The following MKI67 variants were observed in gnomAD, a reference collection of about 807,000 sequenced individuals.
MKI67 encodes proliferation marker protein Ki-67.
Under a neutral mutation model 233.5 loss-of-function variants are expected in MKI67, and 152 were observed. The observed-to-expected ratio is 0.65, with a 90% CI of 0.57 to 0.74. MKI67 has a LOEUF of 0.74. MKI67 is among the 30% of genes least tolerant of loss of function. The pLI is 0.00. For missense variants in MKI67, 3,940 were observed against 3,885.2 expected (o/e 1.01, Z -0.37); for synonymous variants, 1,465 against 1,418.5 (o/e 1.03, Z -0.74).
chr10:128,100,333 T>C (rs1852310677), intron 14 of MKI67, among the ~76,000 whole-genome samples: 1 of 152,140 alleles, frequency 6.6e-6, no homozygotes. Flanking sequence ...TGCCTGGCTA[T>C]GCAGCAGGTA....
In MKI67 at chr10:128,104,619, T is replaced by C. The variant is rs768881520; in HGVS notation, c.7221A>G (p.Pro2407=). 1.2e-5 allele frequency: 19 copies of C among 1,613,964 alleles called. No homozygotes were observed. In the South Asian group the frequency reaches 2.0e-4, roughly 17 times the overall value. ...TTCCTAGCAGGTCCAGTTTCTGCAC[T>C]GGAGTTTCCACAAATGTGTTGATAT... ...EKNINTFVET[P]VQKLDLLGNL... The change falls in exon 13 of 15, where the codon CCA becomes CCG. Residue 2407 remains proline, a synonymous_variant. Transcript: ENST00000368654.
In MKI67 at chr10:128,107,239, G is replaced by A; in HGVS notation, c.4601C>T (p.Ala1534Val). 6.2e-7 allele frequency: 1 copy of A among 1,614,198 alleles called. No individual in the cohort carries two copies. ...FFALRKRTPS[A>V]GKAMHTPKPA... The stretch of plus-strand genomic sequence containing the variant: ...TTTGGGTGTGTGCATGGCTTTGCCT[G>A]CTGATGGTGTTCGTTTCCTGAGTGC... Residue 1534 changes from alanine to valine, a missense_variant, in exon 13 of 15, where the codon GCA becomes GTA. By Grantham distance (64) the Ala-to-Val change is moderately conservative (BLOSUM62 0). Coordinates refer to ENST00000368654, the MANE Select transcript of MKI67 (RefSeq NM_002417.5).
Position 128,107,050 on chromosome 10 carries a change from G to A in MKI67, c.4790C>T (p.Thr1597Ile). The change falls in exon 13 of 15, where the codon ACA becomes ATA. Residue 1597 changes from threonine (T) to isoleucine (I), a missense_variant. Transcript: ENST00000368654. The part of the protein sequence containing the change: ...DLAGFKELFQ[T>I]RGHTEESMTN... ...CATTGATTCCTCAGTGTGACCTCGT[G>A]TCTGGAAGAGCTCTTTAAAGCCAGC... The A allele has an allele frequency of 2.5e-6, 4 of 1,614,104 alleles. No homozygotes were observed. Among genetic ancestry groups the A allele is most frequent in the Non-Finnish European group, 3.4e-6 (4 of 1,180,034 alleles).
chr10:128,113,594 C>T lies in MKI67; in HGVS notation c.1489G>A (p.Glu497Lys). ...NNFGDSINESEGIPLKRRRVS... is the reference protein window; with the variant it reads ...NNFGDSINESKGIPLKRRRVS... Reference sequence around the variant, plus strand: ...CGCCTTCTTTTCAAAGGTATTCCCTCACTCTCATCTAAAGTAACGGATACA... The same window carrying T: ...CGCCTTCTTTTCAAAGGTATTCCCTTACTCTCATCTAAAGTAACGGATACA... The change falls in exon 8 of 15, where the codon GAG (glutamate) becomes AAG (lysine). Residue 497 changes from glutamate to lysine, a missense_variant. Coordinates refer to ENST00000368654, the MANE Select transcript of MKI67 (RefSeq NM_002417.5). 2 of 1,613,810 alleles carry T rather than the reference C, an allele frequency of 1.2e-6. No homozygotes were observed. The highest frequency in any genetic ancestry group is 1.1e-5 in the South Asian group (1 of 91,070).
At position 128,104,719 on chromosome 10, in the gene MKI67, A is replaced by G. The variant is rs928145948; in HGVS notation, c.7121T>C (p.Leu2374Ser). Residue 2374 changes from leucine to serine, a missense_variant, in exon 13 of 15, where the codon TTA (leucine) becomes TCA (serine). Physicochemically the swap from Leu to Ser is moderately radical, Grantham distance 145. Coordinates refer to ENST00000368654, the MANE Select transcript of MKI67 (RefSeq NM_002417.5). ...TGATGGTGTTCGTTTCCTGAGTGCT[A>G]AAAATTCTTCCTCTACGTCTGCTTT... is the stretch of plus-strand genomic sequence containing the variant. ...LRKADVEEEF[L>S]ALRKRTPSAG... The G allele has an allele frequency of 1.2e-6, 2 of 1,613,914 alleles. No individual in the cohort carries two copies. Among genetic ancestry groups the G allele is most frequent in the African/African-American group, 1.3e-5 (1 of 74,916 alleles).
rs375096294 is a variant in MKI67, at chr10:128,103,721, C to T, written c.8119G>A (p.Glu2707Lys). The T allele has an allele frequency of 3.1e-6, 5 of 1,613,520 alleles. No homozygotes were observed. Among genetic ancestry groups the T allele is most frequent in the African/African-American group, 2.7e-5 (2 of 74,774 alleles). ...TAGKATKIPC[E>K]SPPLEVVDTT... ...TCTACCACTTCTAGTGGGGGAGATT[C>T]GCAGGGTATTTTAGTGGCTTTGCCA... Residue 2707 changes from glutamate to lysine, a missense_variant, in exon 13 of 15, where the codon GAA (glutamate) becomes AAA (lysine). Transcript: ENST00000368654.
intron 4 of MKI67, 61 bp downstream of exon 4, chr10:128,122,820 C>T: frequency 1.3e-6 from 1 of 782,884 alleles, no homozygotes; most frequent in Non-Finnish European, 2.0e-6. Flanking sequence ...TTGACTTTGA[C>T]ACTAGTTTAT....
chr10:128,123,066 G>T, intron 3 of MKI67, 25 bp downstream of exon 3: 1 of 1,603,770 alleles, frequency 6.2e-7, no homozygotes. Context: ...AGCTTTAAAA[G>T]TAGATCTTCA....
intron 12 of MKI67, 114 bp downstream of exon 12, chr10:128,110,264 A>C (rs1021354372): frequency 1.2e-6 from 1 of 813,804 alleles, no homozygotes; most frequent in Non-Finnish European, 1.8e-6. Flanking sequence ...CGGAAATGGT[A>C]TTTTGTGCCA....
chr10:128,123,246 C>CA (rs1852989012), intron 2 of MKI67, 77 bp from the exon 3 acceptor site: 1 of 961,822 alleles, frequency 1.0e-6, no homozygotes, highest in Non-Finnish European at 1.7e-6. Context: ...AAATAAAACA[C>CA]AATTTGACTA....
intron 4 of MKI67, among the ~76,000 whole-genome samples, chr10:128,120,964 C>A (rs1029821350): frequency 2.6e-5 from 4 of 152,138 alleles, no homozygotes; most frequent in Non-Finnish European, 2.9e-5. Context: ...TTCCAAGAGA[C>A]AACTTAAACC....
Position 128,101,614 on chromosome 10 carries a change from T to C in MKI67, c.9349A>G (p.Ile3117Val), listed in dbSNP as rs1290865717. The C allele has an allele frequency of 6.2e-7, 1 of 1,614,026 alleles. No individual in the cohort carries two copies. The highest frequency in any genetic ancestry group is 1.1e-5 in the South Asian group (1 of 91,038). ...EVFVLAERIE[I>V]NRNEKKPMKT... is the part of the protein sequence containing the mutation. Reference sequence around the variant, plus strand: ...ATGGGCTTCTTTTCATTTCTGTTTATTTCTATTCTTTCTGCTAATACAAAG... The same window carrying C: ...ATGGGCTTCTTTTCATTTCTGTTTACTTCTATTCTTTCTGCTAATACAAAG... The change falls in exon 14 of 15, where the codon ATA (isoleucine) becomes GTA (valine). Residue 3117 changes from isoleucine (I) to valine (V), a missense_variant. Coordinates refer to ENST00000368654, the MANE Select transcript of MKI67 (RefSeq NM_002417.5).
intron 14 of MKI67, among the ~76,000 whole-genome samples, chr10:128,099,881 C>T (rs1852298423): frequency 6.6e-6 from 1 of 152,140 alleles, no homozygotes; most frequent in African/African-American, 2.4e-5. Flanking sequence ...TGAGAAGAGG[C>T]TGGAACGCCC....
intron 12 of MKI67, 114 bp from the exon 13 acceptor site, chr10:128,109,537 A>G: frequency 8.9e-7 from 1 of 1,129,274 alleles, no homozygotes; most frequent in South Asian, 1.6e-5. Flanking sequence ...TATTCACTGA[A>G]CGACATGAGG....
In MKI67 at chr10:128,107,495, T is replaced by G. The variant is rs576766902; in HGVS notation, c.4345A>C (p.Thr1449Pro). The change falls in exon 13 of 15, where the codon ACT (threonine) becomes CCT (proline). Residue 1449 changes from threonine to proline, a missense_variant. Thr to Pro is a conservative substitution (Grantham distance 38). Coordinates refer to ENST00000368654, the MANE Select transcript of MKI67 (RefSeq NM_002417.5). ...KQKLDPAASV[T>P]GSKRHPKTKE... ...GTTTTTGGGTGCCTCTTGCTACCAG[T>G]TACACTTGCTGCTGGGTCCAGTTTC... is the stretch of plus-strand genomic sequence containing the variant. The G allele has an allele frequency of 1.2e-6, 2 of 1,613,060 alleles. No individual in the cohort carries two copies. The highest frequency in any genetic ancestry group is 1.7e-6 in the Non-Finnish European group (2 of 1,179,994).
At position 128,115,890 on chromosome 10, in the gene MKI67, T is replaced by A. The variant is rs762132053; in HGVS notation, c.518A>T (p.Asp173Val). 6.2e-7 allele frequency: 1 copy of A among 1,609,888 alleles called. No homozygotes were observed. The highest frequency in any genetic ancestry group is 8.5e-7 in the Non-Finnish European group (1 of 1,180,022). ...ATTAGTTGTTCCCTGAGCAACACTG[T>A]CTTTTGAGTCATCTGCGGTACTGTC... ...KEDSTADDSKDSVAQGTTNVH... is the reference protein window; with the variant it reads ...KEDSTADDSKVSVAQGTTNVH... The change falls in exon 7 of 15, where the codon GAC becomes GTC. Residue 173 changes from aspartate (D) to valine (V), a missense_variant. Transcript: ENST00000368654.
Position 128,106,843 on chromosome 10 carries a change from G to A in MKI67, c.4997C>T (p.Pro1666Leu). 6.2e-7 allele frequency: 1 copy of A among 1,614,078 alleles called. No homozygotes were observed. The change falls in exon 13 of 15, where the codon CCA becomes CTA. Residue 1666 changes from proline (P) to leucine (L), a missense_variant. Transcript: ENST00000368654. ...SGETTHTHTE[P>L]TGDGKSMKAF... ...TTTCATGCTCTTACCATCTCCTGTTGGCTCTGTGTGTGTGTGTGTAGTCTC... is the reference window on the plus strand; with the variant it reads ...TTTCATGCTCTTACCATCTCCTGTTAGCTCTGTGTGTGTGTGTGTAGTCTC...
intron 12 of MKI67, among the ~76,000 whole-genome samples, chr10:128,110,102 A>T (rs986057051): frequency 6.6e-6 from 1 of 152,166 alleles, no homozygotes. Context: ...TTTTTTTGCT[A>T]TGTCACCCTG....
rs780729972 is a variant in MKI67 at position 128,102,748 on chromosome 10, T to C, written c.9092A>G (p.Gln3031Arg). The change falls in exon 13 of 15, where the codon CAG (glutamine) becomes CGG (arginine). Residue 3031 changes from glutamine to arginine, a missense_variant. Transcript: ENST00000368654. ...IVEELPASKKQRVAPRARGKS... is the reference protein window; with the variant it reads ...IVEELPASKKRRVAPRARGKS... ...GCCTCTTGCCCTGGGAGCAACCCTC[T>C]GCTTCTTGCTGGCTGGCAGCTCCTC... 9 of 1,614,262 alleles carry C rather than the reference T, an allele frequency of 5.6e-6. No homozygotes were observed. Among genetic ancestry groups the C allele is most frequent in the Non-Finnish European group, 7.6e-6 (9 of 1,180,044 alleles).
Sources: allele counts gnomAD v4.1 joint callset (sites outside exome capture counted in the v4.1 genomes callset), GRCh38; gene constraint gnomAD v4.1.1; transcripts MANE v1.5; gene names NCBI Gene and HGNC (gene_info 2026-07-23, HGNC 2026-07-21).